STXBP3: variants seen among roughly 807,000 people sequenced by gnomAD.
STXBP3 encodes syntaxin binding protein 3.
Under a neutral mutation model 85.7 loss-of-function variants are expected in STXBP3, and 41 were observed. The observed-to-expected ratio is 0.48, with a 90% CI of 0.37 to 0.62. The LOEUF (loss-of-function observed/expected upper bound fraction) is 0.62. Among genes scored for constraint, STXBP3 ranks in the 20% least tolerant of loss-of-function variants. The probability of loss-of-function intolerance (pLI) is 0.00; values close to 1 mark genes in which losing one functional copy is unlikely to be tolerated. For missense variants in STXBP3, 563 were observed against 703.1 expected (o/e 0.80, Z 2.25); for synonymous variants, 229 against 231.7 (o/e 0.99, Z 0.10).
At chr1:108,807,574 CTG>C in intron 18 of STXBP3, 25 bp downstream of exon 18, 1 of 1,418,698 alleles carries the variant, frequency 7.0e-7, no homozygotes, top group Non-Finnish European at 9.4e-7. Flanking sequence ...TTCTTCTTTT[CTG>C]TTTTTTTTTT....
intron 8 of STXBP3, among the ~76,000 whole-genome samples, chr1:108,778,093 G>A (rs1662626373): frequency 1.3e-5 from 2 of 152,082 alleles, no homozygotes; most frequent in Non-Finnish European, 2.9e-5. Context: ...AGACCTAGCT[G>A]ATTTCCAAGG....
intron 5 of STXBP3, chr1:108,759,177 A>G (rs570354629): frequency 6.6e-6 from 1 of 152,334 alleles, no homozygotes; most frequent in East Asian, 1.9e-4. Context: ...AAAATATCAT[A>G]TCTAAGTTAA....
At chr1:108,768,668 G>A (rs1450749335) in intron 6 of STXBP3, among the ~76,000 whole-genome samples, 7 of 152,128 alleles carry the variant, frequency 4.6e-5, no homozygotes, top group African/African-American at 1.7e-4. Flanking sequence ...ATTAGCTGGT[G>A]CAGAAAACTG....
intron 6 of STXBP3, among the ~76,000 whole-genome samples, chr1:108,760,539 A>G (rs550030174): frequency 6.6e-6 from 1 of 152,300 alleles, no homozygotes; most frequent in Admixed American, 6.5e-5. Context: ...TCAATTAATA[A>G]TAGCAATGAT....
chr1:108,797,637 AC>A (rs1663136015), intron 15 of STXBP3, among the ~76,000 whole-genome samples: 1 of 151,708 alleles, frequency 6.6e-6, no homozygotes. Flanking sequence ...CAAACTCCTG[AC>A]CTCAGGTGAT....
Position 108,758,594 on chromosome 1 carries a change from T to C in STXBP3, c.337+6T>C. The stretch of plus-strand genomic sequence containing the variant: ...ATATATTTACTTCACTGACTGTAAG[T>C]CTTTTAAAAAGTTATTGCTTCATTG... On this transcript the variant is annotated splice_donor_region_variant and intron_variant, in intron 5 of 18. Coordinates refer to ENST00000370008, the MANE Select transcript of STXBP3 (RefSeq NM_007269.4). The C allele has an allele frequency of 6.8e-7, 1 of 1,461,936 alleles. No individual in the cohort carries two copies. Among genetic ancestry groups the C allele is most frequent in the African/African-American group, 1.4e-5 (1 of 70,444 alleles). The allele number at this position is 1,461,936 out of a possible 1,614,324, so 90.6% of individuals were successfully genotyped here.
At chr1:108,749,982 T>C (rs1290051311) in intron 1 of STXBP3, among the ~76,000 whole-genome samples, 1 of 152,194 alleles carries the variant, frequency 6.6e-6, no homozygotes, top group African/African-American at 2.4e-5. Flanking sequence ...ATGTATTCTG[T>C]ACTTACAGGA....
At chr1:108,758,439 G>C in intron 4 of STXBP3, 71 bp from the exon 5 acceptor site, 4 of 669,114 alleles carry the variant, frequency 6.0e-6, no homozygotes, top group Non-Finnish European at 9.3e-6. Flanking sequence ...AATAATCTTA[G>C]TCATTTCAAA....
intron 1 of STXBP3, among the ~76,000 whole-genome samples, chr1:108,751,182 C>T (rs1361113081): frequency 6.6e-6 from 1 of 152,174 alleles, no homozygotes; most frequent in African/African-American, 2.4e-5. Flanking sequence ...CTAAACATGG[C>T]TTGGTCTGGT....
At position 108,756,714 on chromosome 1, in the gene STXBP3, G is replaced by A. The variant is rs1261197120; in HGVS notation, c.206G>A (p.Arg69His). The A allele has an allele frequency of 3.1e-6, 5 of 1,589,092 alleles. No individual in the cohort carries two copies. The highest frequency in any genetic ancestry group is 1.2e-5 in the South Asian group (1 of 86,828). ...ITVVENIYKN[R>H]EPVRQMKALY... ...GTTGTAGAGAATATTTATAAGAACC[G>A]TGAACCTGTCAGACAAATGAAAGCT... The change falls in exon 4 of 19, where the codon CGT becomes CAT. Residue 69 changes from arginine (R) to histidine (H), a missense_variant. Coordinates refer to ENST00000370008, the MANE Select transcript of STXBP3 (RefSeq NM_007269.4).
chr1:108,779,273 C>T lies in STXBP3; in HGVS notation c.685-13C>T. The T allele has an allele frequency of 6.2e-7, 1 of 1,605,028 alleles. No homozygotes were observed. Among genetic ancestry groups the T allele is most frequent in the Non-Finnish European group, 8.5e-7 (1 of 1,175,828 alleles). ...TTGAAGCTGCTTAAGATGATTTTAT[C>T]TTGTTATTCTAGGGTAAAACTCATT... On this transcript the variant is annotated splice_polypyrimidine_tract_variant and intron_variant, in intron 8 of 18. Transcript: ENST00000370008.
chr1:108,770,601 T>C (rs1033596334), intron 6 of STXBP3, among the ~76,000 whole-genome samples: 1 of 152,172 alleles, frequency 6.6e-6, no homozygotes, highest in Non-Finnish European at 1.5e-5. Context: ...AATAACTGTG[T>C]GTAAAAGGAA....
chr1:108,754,085 T>C lies in STXBP3; in HGVS notation c.181+941T>C, dbSNP rs372248925. Among the ~76,000 whole-genome samples, 11 of 146,750 alleles carry C rather than the reference T, an allele frequency of 7.5e-5. No homozygotes were observed. In the East Asian group the frequency reaches 7.9e-4, roughly 10 times the overall value. On this transcript the variant is annotated intron_variant, in intron 3 of 18. Transcript: ENST00000370008. ...TCTCACTCTGTCACCCAGGCTGGAG[T>C]GCAGTAGTGCGATTTTGGCTCACTG...
At chr1:108,750,847 G>T (rs1287923228) in intron 1 of STXBP3, among the ~76,000 whole-genome samples, 5 of 152,170 alleles carry the variant, frequency 3.3e-5, no homozygotes, top group Non-Finnish European at 5.9e-5. Context: ...TGCTGGAATG[G>T]CTCACAGAAC....
At chr1:108,748,655 A>T (rs938911110) in intron 1 of STXBP3, among the ~76,000 whole-genome samples, 2 of 151,986 alleles carry the variant, frequency 1.3e-5, no homozygotes, top group Non-Finnish European at 2.9e-5. Flanking sequence ...AACATGGTGA[A>T]ACTCTCTCTC....
At chr1:108,772,010 A>ATATC (rs1267826374) in intron 6 of STXBP3, among the ~76,000 whole-genome samples, 1,051 of 2,240 alleles carry the variant, frequency 0.47, 45 homozygotes, top group South Asian at 0.54. Context: ...AATACATATG[A>ATATC]TATCTGTATC....
rs1663405422 is a variant in STXBP3, at chr1:108,809,284, A to G, written c.*407A>G. ...AGAGATTGTAAAAGTAAAAAACTGT[A>G]AATGTATATGTATGATAGAATTGTT... is the stretch of plus-strand genomic sequence containing the variant. On this transcript the variant is annotated 3_prime_UTR_variant, in exon 19 of 19. Coordinates refer to ENST00000370008, the MANE Select transcript of STXBP3 (RefSeq NM_007269.4). 1 of 157,696 alleles carries G rather than the reference A, an allele frequency of 6.3e-6. No individual in the cohort carries two copies. The highest frequency in any genetic ancestry group is 2.4e-5 in the African/African-American group (1 of 41,508). The allele number at this position is 157,696 out of a possible 1,614,324, so 9.8% of individuals were successfully genotyped here. A position where few individuals can be genotyped will look rare whatever the true frequency, so the allele number is the denominator to read the frequency against.
intron 1 of STXBP3, 54 bp downstream of exon 1, chr1:108,746,840 C>G (rs1661795744): frequency 6.5e-7 from 1 of 1,534,966 alleles, no homozygotes; most frequent in East Asian, 2.5e-5. Flanking sequence ...GCTGCCGTGC[C>G]GGGCCTCGTT....
intron 17 of STXBP3, 56 bp from the exon 18 acceptor site, chr1:108,807,345 T>C: frequency 1.9e-6 from 3 of 1,545,094 alleles, no homozygotes; most frequent in Non-Finnish European, 2.6e-6. Flanking sequence ...ACAAGCATTA[T>C]GGCTTTGGAA....
Sources: allele counts gnomAD v4.1 joint callset (sites outside exome capture counted in the v4.1 genomes callset), GRCh38; gene constraint gnomAD v4.1.1; transcripts MANE v1.5; gene names NCBI Gene and HGNC (gene_info 2026-07-23, HGNC 2026-07-21).